GRM8: variants seen among roughly 807,000 people sequenced by gnomAD.
GRM8 encodes metabotropic glutamate receptor 8.
GRM8 carries 47 observed loss-of-function variants against 87.2 expected under a neutral mutation model. The ratio of observed to expected loss-of-function variants is 0.54; its 90% CI spans 0.43 to 0.69. GRM8 has a LOEUF of 0.69. Among genes scored for constraint, GRM8 ranks in the 30% least tolerant of loss-of-function variants. The pLI is 0.00. For missense variants in GRM8, 1,019 were observed against 1,139.2 expected, an observed-to-expected ratio of 0.89 and a Z score of 1.52; for synonymous variants, 396 against 404.5, an observed-to-expected ratio of 0.98 and a Z score of 0.25.
intron 3 of GRM8, among the ~76,000 whole-genome samples, chr7:127,031,290 T>A (rs1817338382): frequency 6.6e-6 from 1 of 152,168 alleles, no homozygotes. Flanking sequence ...CTAGAGGCTT[T>A]AAAAATGTTG....
intron 3 of GRM8, among the ~76,000 whole-genome samples, chr7:127,030,660 C>T (rs1394043005): frequency 6.6e-6 from 1 of 152,044 alleles, no homozygotes; most frequent in Non-Finnish European, 1.5e-5. Context: ...ACTTCTAAAC[C>T]AGGGAATTAA....
At chr7:127,037,997 T>G (rs1818006996) in intron 3 of GRM8, among the ~76,000 whole-genome samples, 2 of 152,206 alleles carry the variant, frequency 1.3e-5, no homozygotes, top group Admixed American at 1.3e-4. Flanking sequence ...CAGTTACATA[T>G]GAAATACATG....
chr7:127,129,355 A>G (rs138449789), intron 2 of GRM8, among the ~76,000 whole-genome samples: 3 of 152,318 alleles, frequency 2.0e-5, no homozygotes, highest in African/African-American at 7.2e-5. Context: ...TCCCCAAATC[A>G]AGGCAAAAGT....
chr7:126,649,808 G>A (rs193205480), intron 7 of GRM8, among the ~76,000 whole-genome samples: 9 of 152,316 alleles, frequency 5.9e-5, no homozygotes, highest in Admixed American at 2.6e-4. Flanking sequence ...TCCAGAACAG[G>A]AGAAGGCTCT....
In GRM8 at chr7:127,236,155, GA is replaced by G. The variant is rs566381215; in HGVS notation, c.510+6539del. 3.9e-4 allele frequency among the ~76,000 whole-genome samples: 59 copies of G among 152,270 alleles called. 1 individual carries two copies. The highest frequency in any genetic ancestry group is 7.4e-4 in the Non-Finnish European group (50 of 68,022). On this transcript the variant is annotated intron_variant, in intron 2 of 10. Coordinates refer to ENST00000339582, the MANE Select transcript of GRM8 (RefSeq NM_000845.3). ...TCTCACATTTTTTTTGGTGTATGGT[GA>G]AAACATTTAAGATCTACTCTTTCAA...
chr7:126,788,303 G>A (rs1585934290), intron 6 of GRM8, among the ~76,000 whole-genome samples: 3 of 148,206 alleles, frequency 2.0e-5, no homozygotes, highest in East Asian at 4.0e-4. Context: ...CCAGCTACTC[G>A]AGAGGCTGAG....
chr7:126,593,407 G>A (rs1796873528), intron 8 of GRM8, among the ~76,000 whole-genome samples: 1 of 151,794 alleles, frequency 6.6e-6, no homozygotes, highest in African/African-American at 2.4e-5. Flanking sequence ...GAAAACAAAT[G>A]TACCAATGGA....
chr7:127,014,853 T>A (rs560536344), intron 3 of GRM8, among the ~76,000 whole-genome samples: 1 of 150,058 alleles, frequency 6.7e-6, no homozygotes, highest in Non-Finnish European at 1.5e-5. Context: ...TGAAGGAAAG[T>A]CAGTTGACGA....
intron 3 of GRM8, among the ~76,000 whole-genome samples, chr7:126,920,975 C>T (rs185408183): frequency 2.0e-4 from 31 of 152,164 alleles, no homozygotes; most frequent in African/African-American, 7.0e-4. Context: ...AAAGTAAAGC[C>T]CACTGGCCAA....
intron 6 of GRM8, among the ~76,000 whole-genome samples, chr7:126,830,109 G>A (rs1000992638): frequency 2.0e-5 from 3 of 152,138 alleles, no homozygotes; most frequent in African/African-American, 4.8e-5. Flanking sequence ...AGGGTAACCC[G>A]AGCTTTCTCT....
intron 2 of GRM8, among the ~76,000 whole-genome samples, chr7:127,179,860 G>A (rs1214113872): frequency 6.6e-6 from 1 of 151,996 alleles, no homozygotes; most frequent in African/African-American, 2.4e-5. Context: ...GGTGCTAAGA[G>A]GAAAGTTCAT....
At chr7:126,870,679 A>T (rs1308177980) in intron 6 of GRM8, 1 of 152,228 alleles carries the variant, frequency 6.6e-6, no homozygotes, top group African/African-American at 2.4e-5. Context: ...TAGGGTTCGT[A>T]GTGCCCCCAA....
chr7:127,111,088 G>A (rs1330378867), intron 2 of GRM8: 1 of 152,212 alleles, frequency 6.6e-6, no homozygotes, highest in South Asian at 2.1e-4. Context: ...GGGTCCCAAG[G>A]TTGAGATATG....
At chr7:126,906,824 A>G (rs10239560) in intron 3 of GRM8, among the ~76,000 whole-genome samples, 5,969 of 152,296 alleles carry the variant, frequency 0.039, 205 homozygotes, top group African/African-American at 0.087. Flanking sequence ...GGAATTGCCC[A>G]TAATACACAG....
intron 8 of GRM8, among the ~76,000 whole-genome samples, chr7:126,561,452 G>C (rs1212087393): frequency 1.3e-5 from 2 of 151,642 alleles, no homozygotes; most frequent in Non-Finnish European, 2.9e-5. Flanking sequence ...CTGGGCAACA[G>C]AGTGAGACTC....
At chr7:127,010,651 T>C (rs370863140) in intron 3 of GRM8, among the ~76,000 whole-genome samples, 15 of 152,304 alleles carry the variant, frequency 9.8e-5, no homozygotes, top group African/African-American at 2.2e-4. Context: ...AACATTGTGA[T>C]AGTTTCTCAC....
chr7:126,625,698 C>A (rs998678322), intron 7 of GRM8, among the ~76,000 whole-genome samples: 1 of 151,474 alleles, frequency 6.6e-6, no homozygotes, highest in Non-Finnish European at 1.5e-5. Flanking sequence ...AGGAAAAGAC[C>A]CATTATTCTG....
rs563861847 is a variant in GRM8 at position 126,824,345 on chromosome 7, G to A, written c.1157-54280C>T. ...TATGTATGTATCAAAGTGCACATGA[G>A]AAAGGAAAGAGTCAAAGTCAATGGC... On this transcript the variant is annotated intron_variant, in intron 6 of 10. Coordinates refer to ENST00000339582, the MANE Select transcript of GRM8 (RefSeq NM_000845.3). 5.3e-5 allele frequency among the ~76,000 whole-genome samples: 8 copies of A among 152,254 alleles called. No individual in the cohort carries two copies. In the South Asian group the frequency reaches 1.7e-3, roughly 32 times the overall value.
chr7:126,499,921 TG>T (rs1809389825), intron 9 of GRM8, among the ~76,000 whole-genome samples: 1 of 151,982 alleles, frequency 6.6e-6, no homozygotes, highest in African/African-American at 2.4e-5. Context: ...ACAATTACTT[TG>T]TTAATTAAAA....
Sources: allele counts gnomAD v4.1 joint callset (sites outside exome capture counted in the v4.1 genomes callset), GRCh38; gene constraint gnomAD v4.1.1; transcripts MANE v1.5; gene names NCBI Gene and HGNC (gene_info 2026-07-23, HGNC 2026-07-21).